Variants in HIPK1 observed in about 807,000 individuals in gnomAD.
HIPK1 encodes homeodomain-interacting protein kinase 1.
A neutral mutation model predicts 117.1 loss-of-function variants in HIPK1; 28 were observed. That is an observed-to-expected ratio of 0.24 (90% CI 0.18 to 0.33). The LOEUF is 0.33. HIPK1 is among the 10% of genes least tolerant of loss of function. HIPK1 has a pLI of 1.00. For missense variants in HIPK1, 1,122 were observed against 1,475.1 expected, an observed-to-expected ratio of 0.76 and a Z score of 3.92; for synonymous variants, 605 against 562.5, an observed-to-expected ratio of 1.08 and a Z score of -1.07.
At chr1:113,968,180 A>G (rs900676657) in intron 12 of HIPK1, among the ~76,000 whole-genome samples, 1 of 152,126 alleles carries the variant, frequency 6.6e-6, no homozygotes, top group African/African-American at 2.4e-5. Context: ...TGATGTTTTT[A>G]TTTTACTTTA....
At position 113,973,045 on chromosome 1, in the gene HIPK1, C is replaced by T; in HGVS notation, c.3166C>T (p.Pro1056Ser). 2 of 1,517,622 alleles carry T rather than the reference C, an allele frequency of 1.3e-6. No individual in the cohort carries two copies. Among genetic ancestry groups the T allele is most frequent in the Non-Finnish European group, 1.8e-6 (2 of 1,133,546 alleles). 94.0% of individuals were successfully genotyped at this position (1,517,622 alleles called of 1,614,324 possible). Residue 1056 changes from proline to serine, a missense_variant, in exon 16 of 16, where the codon CCA becomes TCA. By Grantham distance (74) the Pro-to-Ser change is moderately conservative (BLOSUM62 -1). This residue lies in a region of HIPK1 where 731 missense variants were observed against 860.4 expected (regional missense o/e 0.85). Coordinates refer to ENST00000426820, the MANE Select transcript of HIPK1 (RefSeq NM_198268.3). ...CCAGAACCAGCAGTCATCGGCGGCTCCAACCTCACAGGAGAGAAGCAGCAA... is the reference window on the plus strand; with the variant it reads ...CCAGAACCAGCAGTCATCGGCGGCTTCAACCTCACAGGAGAGAAGCAGCAA... ...LSQNQQSSAA[P>S]TSQERSSNPA...
intron 1 of HIPK1, among the ~76,000 whole-genome samples, chr1:113,931,562 A>G (rs1411596252): frequency 6.6e-6 from 1 of 152,132 alleles, no homozygotes; most frequent in Non-Finnish European, 1.5e-5. Context: ...ATCTCTCGAC[A>G]CTGTAGTTTT....
intron 1 of HIPK1, among the ~76,000 whole-genome samples, chr1:113,930,331 C>T (rs938786046): frequency 3.9e-5 from 6 of 152,352 alleles, no homozygotes; most frequent in South Asian, 2.1e-4. Context: ...CTCCGCTTAT[C>T]ACCATGGTTT....
At chr1:113,944,291 G>A (rs1296362226) in intron 2 of HIPK1, among the ~76,000 whole-genome samples, 4 of 144,744 alleles carry the variant, frequency 2.8e-5, no homozygotes, top group African/African-American at 1.0e-4. Context: ...AGCCTCCCGA[G>A]TAGCTGGGAT....
rs1673051918 is a variant in HIPK1, at chr1:113,974,783, T to C, written c.*1271T>C. The stretch of plus-strand genomic sequence containing the variant: ...TTTTACATAATTAAATATGTACATA[T>C]TGATTAGAAAAATATAACAAGCAAT... On this transcript the variant is annotated 3_prime_UTR_variant, in exon 16 of 16. Coordinates refer to ENST00000426820, the MANE Select transcript of HIPK1 (RefSeq NM_198268.3). The C allele has an allele frequency of 6.6e-6, 1 of 152,644 alleles. No individual in the cohort carries two copies. The highest frequency in any genetic ancestry group is 2.1e-4 in the South Asian group (1 of 4,836). 9.5% of individuals were successfully genotyped at this position (152,644 alleles called of 1,614,324 possible).
In HIPK1 at chr1:113,963,543, T is replaced by C. The variant is rs1415542710; in HGVS notation, c.2238+22T>C. On this transcript the variant is annotated intron_variant, in intron 10 of 15. Coordinates refer to ENST00000426820, the MANE Select transcript of HIPK1 (RefSeq NM_198268.3). ...ACTGGTAATTCCCCTCACTTGATTG[T>C]GTTACTAACGGAGTTTCTTTGGTTT... 1.9e-6 allele frequency: 3 copies of C among 1,587,936 alleles called. No homozygotes were observed. In the African/African-American group the frequency reaches 4.1e-5, roughly 22 times the overall value.
At position 113,956,864 on chromosome 1, in the gene HIPK1, C is replaced by T. The variant is rs778392419; in HGVS notation, c.1592+53C>T. 261 of 1,520,936 alleles carry T rather than the reference C, an allele frequency of 1.7e-4. 1 individual carries two copies. The highest frequency in any genetic ancestry group is 1.2e-3 in the Middle Eastern group (7 of 5,844). 94.2% of individuals were successfully genotyped at this position (1,520,936 alleles called of 1,614,324 possible). A position where few individuals can be genotyped will look rare whatever the true frequency, so the allele number is the denominator to read the frequency against. On this transcript the variant is annotated intron_variant, in intron 6 of 15. Transcript: ENST00000426820. ...GCCATGTGGTTCTTTGTTGAGTTACCGCCTTATCAATGGCACTATCAAATG... is the reference window on the plus strand; with the variant it reads ...GCCATGTGGTTCTTTGTTGAGTTACTGCCTTATCAATGGCACTATCAAATG...
intron 10 of HIPK1, among the ~76,000 whole-genome samples, chr1:113,963,855 C>T (rs1672285007): frequency 6.6e-6 from 1 of 152,178 alleles, no homozygotes; most frequent in Admixed American, 6.5e-5. Context: ...AGCTTCAACA[C>T]TGTTACTTGT....
At chr1:113,937,497 AAT>A (rs1469065558) in intron 1 of HIPK1, among the ~76,000 whole-genome samples, 1 of 152,220 alleles carries the variant, frequency 6.6e-6, no homozygotes, top group East Asian at 1.9e-4. Context: ...AGCATTTGAA[AAT>A]ACTACAGTTG....
chr1:113,931,554 C>T (rs988905469), intron 1 of HIPK1, among the ~76,000 whole-genome samples: 1 of 152,146 alleles, frequency 6.6e-6, no homozygotes, highest in Non-Finnish European at 1.5e-5. Flanking sequence ...AATAGTTTAT[C>T]TCTCGACACT....
chr1:113,968,408 CT>C, intron 12 of HIPK1, 33 bp from the exon 13 acceptor site: 1 of 1,494,488 alleles, frequency 6.7e-7, no homozygotes, highest in East Asian at 2.3e-5. Flanking sequence ...AGGCCAAGGA[CT>C]GAATCATCTT....
rs905290479 is a variant in HIPK1, at chr1:113,973,687, G to A, written c.*175G>A. On this transcript the variant is annotated 3_prime_UTR_variant, in exon 16 of 16. Transcript: ENST00000426820. ...CTCTGGGGGAACCTGTCTCAGTGTT[G>A]ACTGCATTGTTGTAGTCTTCCCAAA... is the stretch of plus-strand genomic sequence containing the variant. 12 of 628,930 alleles carry A rather than the reference G, an allele frequency of 1.9e-5. No individual in the cohort carries two copies. The Admixed American group carries it at 3.5e-4, about 19-fold the overall frequency. 39.0% of individuals were successfully genotyped at this position (628,930 alleles called of 1,614,324 possible).
intron 15 of HIPK1, 90 bp from the exon 16 acceptor site, chr1:113,972,934 A>T: frequency 7.1e-7 from 1 of 1,413,676 alleles, no homozygotes; most frequent in Non-Finnish European, 9.5e-7. Context: ...CGAAAACAGT[A>T]CAAGTCAGAA....
intron 1 of HIPK1, among the ~76,000 whole-genome samples, chr1:113,934,701 C>T (rs1019586326): frequency 6.9e-6 from 1 of 145,132 alleles, no homozygotes; most frequent in Admixed American, 7.3e-5. Context: ...ATCTCAATAT[C>T]GTGGGAGGCC....
At chr1:113,942,500 A>G (rs1383863280) in intron 2 of HIPK1, among the ~76,000 whole-genome samples, 5 of 152,208 alleles carry the variant, frequency 3.3e-5, no homozygotes, top group Admixed American at 6.5e-5. Flanking sequence ...CTCTAGTAAC[A>G]TTTTATTCTT....
At chr1:113,967,702 C>T in intron 11 of HIPK1, 64 bp from the exon 12 acceptor site, 3 of 1,187,490 alleles carry the variant, frequency 2.5e-6, no homozygotes, top group Admixed American at 5.8e-5. Flanking sequence ...CTTTTGATGT[C>T]TGTTTGGTCC....
chr1:113,942,252 G>A (rs1670699632), intron 2 of HIPK1, among the ~76,000 whole-genome samples: 1 of 151,488 alleles, frequency 6.6e-6, no homozygotes. Context: ...ATAGAGATGG[G>A]GTTTCACCAT....
intron 10 of HIPK1, among the ~76,000 whole-genome samples, chr1:113,963,831 T>C (rs1290598331): frequency 6.6e-6 from 1 of 152,216 alleles, no homozygotes; most frequent in Non-Finnish European, 1.5e-5. Flanking sequence ...AAGCTCTCGA[T>C]GTAGCCTCAG....
Position 113,973,392 on chromosome 1 carries a change from C to T in HIPK1, c.3513C>T (p.Ala1171=), listed in dbSNP as rs143955929. The T allele has an allele frequency of 1.2e-5, 20 of 1,614,056 alleles. No homozygotes were observed. Among genetic ancestry groups the T allele is most frequent in the East Asian group, 2.2e-5 (1 of 44,904 alleles). Residue 1171 remains alanine (A), a synonymous_variant, in exon 16 of 16, where the codon GCC becomes GCT. Transcript: ENST00000426820. ...GPSLLTSASV[A]PAQYQHQFAT... ...GCCTCCTCACTTCTGCCAGCGTGGC[C>T]CCTGCTCAGTACCAACACCAGTTTG...
Sources: allele counts gnomAD v4.1 joint callset (sites outside exome capture counted in the v4.1 genomes callset), GRCh38; gene constraint gnomAD v4.1.1; regional missense constraint gnomAD v4.1.1; transcripts MANE v1.5; gene names NCBI Gene and HGNC (gene_info 2026-07-23, HGNC 2026-07-21).